DGKA: variants seen among roughly 807,000 people sequenced by gnomAD.
The protein encoded by DGKA is diacylglycerol kinase alpha.
Under a neutral mutation model 105.0 loss-of-function variants are expected in DGKA, and 35 were observed. That is an observed-to-expected ratio of 0.33 (90% CI 0.25 to 0.44). The LOEUF (loss-of-function observed/expected upper bound fraction) is 0.44, where lower values mean the gene tolerates loss of function less well. Among genes scored for constraint, DGKA ranks in the 20% least tolerant of loss-of-function variants. DGKA has a pLI of 1.00. For missense variants in DGKA, 665 were observed against 915.0 expected (o/e 0.73, Z 3.53); for synonymous variants, 296 against 332.0 (o/e 0.89, Z 1.18).
intron 17 of DGKA, among the ~76,000 whole-genome samples, chr12:55,949,913 G>A (rs1047277651): frequency 2.0e-5 from 3 of 151,934 alleles, no homozygotes; most frequent in Admixed American, 1.3e-4. Flanking sequence ...GAACTCCTAG[G>A]CTCATGCAAT....
Position 55,938,048 on chromosome 12 carries a change from A to G in DGKA, c.345A>G (p.Leu115=). The G allele has an allele frequency of 6.2e-7, 1 of 1,613,964 alleles. No homozygotes were observed. The highest frequency in any genetic ancestry group is 8.5e-7 in the Non-Finnish European group (1 of 1,179,904). Residue 115 remains leucine (L), a synonymous_variant, in exon 5 of 24, where the codon TTA becomes TTG. Coordinates refer to ENST00000331886, the MANE Select transcript of DGKA (RefSeq NM_001345.5). Reference sequence around the variant, plus strand: ...AGGGTGGTCGGCCAGAAGACAAGTTAGAATGTGAGTTGCCCTTCTGAAGTG... The same window carrying G: ...AGGGTGGTCGGCCAGAAGACAAGTTGGAATGTGAGTTGCCCTTCTGAAGTG... ...LLEGGRPEDK[L]EFTFKLYDTD... is the part of the protein sequence containing the mutation.
In DGKA at chr12:55,953,922, C is replaced by G; in HGVS notation, c.*154C>G. ...GTATTTATTATCCTGCACCACCTCACTGTTCCCCATGCGCACACACATACA... is the reference window on the plus strand; with the variant it reads ...GTATTTATTATCCTGCACCACCTCAGTGTTCCCCATGCGCACACACATACA... On this transcript the variant is annotated 3_prime_UTR_variant, in exon 24 of 24. Coordinates refer to ENST00000331886, the MANE Select transcript of DGKA (RefSeq NM_001345.5). The G allele has an allele frequency of 1.4e-6, 1 of 691,956 alleles. No individual in the cohort carries two copies. Among genetic ancestry groups the G allele is most frequent in the South Asian group, 1.8e-5 (1 of 54,108 alleles). The allele number at this position is 691,956 out of a possible 1,614,324, so 42.9% of individuals were successfully genotyped here.
Position 55,952,455 on chromosome 12 carries a change from T to C in DGKA, c.1743+24T>C, listed in dbSNP as rs748029289. 1.9e-6 allele frequency: 3 copies of C among 1,606,798 alleles called. No individual in the cohort carries two copies. The highest frequency in any genetic ancestry group is 2.6e-6 in the Non-Finnish European group (3 of 1,173,408). On this transcript the variant is annotated intron_variant, in intron 20 of 23. Transcript: ENST00000331886. This position sits in a 1 kb window ranked among gnomAD's most constrained non-coding sequence, Gnocchi z 5.1. ...AGGTGTGTGTAATAAGACTTAACCCTACATCCTTTTCAGCTTCTTAATAGC... is the reference window on the plus strand; with the variant it reads ...AGGTGTGTGTAATAAGACTTAACCCCACATCCTTTTCAGCTTCTTAATAGC...
chr12:55,944,745 T>G (rs975083035), intron 17 of DGKA, among the ~76,000 whole-genome samples: 1 of 152,228 alleles, frequency 6.6e-6, no homozygotes, highest in Non-Finnish European at 1.5e-5. Flanking sequence ...CCTAGGTTTG[T>G]GGATTCAGCA....
At position 55,940,403 on chromosome 12, in the gene DGKA, C is replaced by T. The variant is rs1885661724; in HGVS notation, c.888C>T (p.Thr296=). The change falls in exon 11 of 24, where the codon ACC becomes ACT. Residue 296 remains threonine, a synonymous_variant. Transcript: ENST00000331886. This position sits in a 1 kb window ranked among gnomAD's most constrained non-coding sequence, Gnocchi z 4.3. The part of the protein sequence containing the change: ...QKKIRIYHSL[T]GLHCVWCHLE... ...AGATCCGGATCTACCACAGTCTGAC[C>T]GGGCTGCATTGTGTATGGTGCCACC... 1.9e-6 allele frequency: 3 copies of T among 1,614,212 alleles called. No individual in the cohort carries two copies. The highest frequency in any genetic ancestry group is 1.3e-5 in the African/African-American group (1 of 75,072).
upstream of DGKA, chr12:55,929,628 T>A (rs893618402): frequency 1.3e-5 from 2 of 152,248 alleles, no homozygotes; most frequent in Non-Finnish European, 2.9e-5. Context: ...TTTTTTCCTT[T>A]CCCTTTGTTC....
chr12:55,933,317 C>T (rs542713706), intron 1 of DGKA, among the ~76,000 whole-genome samples: 1 of 152,312 alleles, frequency 6.6e-6, no homozygotes, highest in Non-Finnish European at 1.5e-5. Flanking sequence ...TCAACTTCTT[C>T]CTTTCTCGCC....
chr12:55,935,434 A>G (rs1884433323), intron 1 of DGKA: 1 of 152,208 alleles, frequency 6.6e-6, no homozygotes, highest in Non-Finnish European at 1.5e-5. Context: ...TTACTGAATC[A>G]AGGAAAGTCG....
At chr12:55,951,537 C>T in intron 17 of DGKA, 86 bp from the exon 18 acceptor site, 1 of 1,436,920 alleles carries the variant, frequency 7.0e-7, no homozygotes, top group Non-Finnish European at 9.5e-7. Flanking sequence ...GGGCAGAAGG[C>T]CCCTGGGAAT....
rs374181692 is a variant in DGKA, at chr12:55,943,637, C to CT, written c.1426+1383dup. ...GCAATCCCTGAACTATGAGCAAACT[C>CT]TTTTTTTTTCTTTTCTCTTTTTTTT... On this transcript the variant is annotated intron_variant, in intron 17 of 23. Transcript: ENST00000331886. Among the ~76,000 whole-genome samples, 1,196 of 151,032 alleles carry CT rather than the reference C, an allele frequency of 7.9e-3. 5 individuals are homozygous for CT. The highest frequency in any genetic ancestry group is 0.012 in the Non-Finnish European group (796 of 67,730).
upstream of DGKA, chr12:55,927,520 C>T: frequency 1.4e-6 from 1 of 699,588 alleles, no homozygotes; most frequent in South Asian, 1.7e-5. Context: ...ACCCAGATCT[C>T]AGAGCGGCTT....
At chr12:55,941,636 T>C (rs1397946443) in intron 15 of DGKA, 52 bp downstream of exon 15, 2 of 1,567,450 alleles carry the variant, frequency 1.3e-6, no homozygotes, top group Non-Finnish European at 1.8e-6. Flanking sequence ...TCTGTGTATC[T>C]GTATATGTTA....
At chr12:55,935,403 A>G (rs1884427489) in intron 1 of DGKA, 1 of 152,210 alleles carries the variant, frequency 6.6e-6, no homozygotes, top group Non-Finnish European at 1.5e-5. Context: ...TATTATATTA[A>G]CGTAAGATAT....
intron 4 of DGKA, 145 bp downstream of exon 4, chr12:55,937,688 A>C (rs966380587): frequency 9.2e-7 from 1 of 1,086,944 alleles, no homozygotes; most frequent in African/African-American, 1.6e-5. Context: ...CTAGGAGCTA[A>C]AGGGAGGAAA....
Position 55,951,605 on chromosome 12 carries a change from T to G in DGKA, c.1427-18T>G, listed in dbSNP as rs756925980. 1.9e-6 allele frequency: 3 copies of G among 1,612,380 alleles called. No homozygotes were observed. The South Asian group carries it at 3.3e-5, about 18-fold the overall frequency. On this transcript the variant is annotated intron_variant, in intron 17 of 23. Coordinates refer to ENST00000331886, the MANE Select transcript of DGKA (RefSeq NM_001345.5). ...TGGGACCCAGAGCTCAGTGCTAACC[T>G]GTCTTCTCCACTCCTAGGTTATGAA...
rs777667745 is a variant in DGKA, at chr12:55,938,494, C to G, written c.350-17C>G. The G allele has an allele frequency of 2.0e-5, 32 of 1,613,852 alleles. No individual in the cohort carries two copies. Among genetic ancestry groups the G allele is most frequent in the Non-Finnish European group, 1.9e-5 (23 of 1,179,918 alleles). On this transcript the variant is annotated splice_polypyrimidine_tract_variant and intron_variant, in intron 5 of 23. Transcript: ENST00000331886. ...TCTCTCACAAACTGACCCTGGCCCCCCTAAAACACCCCACAGTCACCTTCA... is the reference window on the plus strand; with the variant it reads ...TCTCTCACAAACTGACCCTGGCCCCGCTAAAACACCCCACAGTCACCTTCA...
chr12:55,933,133 C>T (rs1177462136), intron 1 of DGKA, among the ~76,000 whole-genome samples: 1 of 152,192 alleles, frequency 6.6e-6, no homozygotes, highest in Non-Finnish European at 1.5e-5. Context: ...AAAATTAGAT[C>T]CAGAGAGCCA....
At position 55,938,021 on chromosome 12, in the gene DGKA, G is replaced by T; in HGVS notation, c.318G>T (p.Leu106=). 1 of 1,614,120 alleles carries T rather than the reference G, an allele frequency of 6.2e-7. No individual in the cohort carries two copies. Among genetic ancestry groups the T allele is most frequent in the Non-Finnish European group, 8.5e-7 (1 of 1,180,026 alleles). The change falls in exon 5 of 24, where the codon CTG becomes CTT. Residue 106 remains leucine (L), a synonymous_variant. Coordinates refer to ENST00000331886, the MANE Select transcript of DGKA (RefSeq NM_001345.5). ...ATGTTTCCTGCTACTTTTCCCTTCT[G>T]GAGGGTGGTCGGCCAGAAGACAAGT... is the stretch of plus-strand genomic sequence containing the variant. ...LNDVSCYFSL[L]EGGRPEDKLE...
At chr12:55,945,669 T>A (rs1001469731) in intron 17 of DGKA, among the ~76,000 whole-genome samples, 5 of 152,202 alleles carry the variant, frequency 3.3e-5, no homozygotes, top group Admixed American at 6.5e-5. Flanking sequence ...CAACCCCTGC[T>A]TCCACAGTCA....
Sources: allele counts gnomAD v4.1 joint callset (sites outside exome capture counted in the v4.1 genomes callset), GRCh38; gene constraint gnomAD v4.1.1; non-coding constraint Gnocchi (gnomAD v3.1); transcripts MANE v1.5; gene names NCBI Gene and HGNC (gene_info 2026-07-23, HGNC 2026-07-21).